RAD51C: variants seen among roughly 807,000 people sequenced by gnomAD.
RAD51C encodes the protein DNA repair protein RAD51 homolog 3.
Under a neutral mutation model 45.0 loss-of-function variants are expected in RAD51C, and 42 were observed. The observed-to-expected ratio is 0.93, with a 90% confidence interval of 0.73 to 1.21. The LOEUF is 1.21. Among genes scored for constraint, RAD51C ranks in the 50% most tolerant of loss-of-function variants. The probability of loss-of-function intolerance (pLI) is 0.00; values close to 1 mark genes in which losing one functional copy is unlikely to be tolerated. For synonymous variants in RAD51C, 172 were observed against 159.8 expected (o/e 1.08, Z -0.58); for missense variants, 474 against 452.2 (o/e 1.05, Z -0.44).
In RAD51C at chr17:58,694,976, T is replaced by C. The variant is rs1555593511; in HGVS notation, c.191T>C (p.Ile64Thr). ...KAEALETLQI[I>T]RRECLTNKPR... ...GAAGCCTTAGAAACTCTGCAAATTA[T>C]CAGAAGAGAATGTCTCACAAATAAA... Residue 64 changes from isoleucine (I) to threonine (T), a missense_variant, in exon 2 of 9, where the codon ATC becomes ACC. Transcript: ENST00000337432. 1 of 1,614,152 alleles carries C rather than the reference T, an allele frequency of 6.2e-7. No individual in the cohort carries two copies. Among genetic ancestry groups the C allele is most frequent in the Non-Finnish European group, 8.5e-7 (1 of 1,180,002 alleles).
intron 7 of RAD51C, among the ~76,000 whole-genome samples, chr17:58,725,311 G>A (rs892843472): frequency 1.3e-5 from 2 of 151,870 alleles, no homozygotes; most frequent in East Asian, 1.9e-4. Flanking sequence ...TTATTTTCTC[G>A]GCACCAAACC....
At chr17:58,713,522 G>T (rs1371210070) in intron 5 of RAD51C, among the ~76,000 whole-genome samples, 1 of 151,852 alleles carries the variant, frequency 6.6e-6, no homozygotes, top group East Asian at 1.9e-4. Context: ...TAAATTTTTT[G>T]TAGAGGCTGG....
chr17:58,703,073 T>C (rs541116865), intron 3 of RAD51C, 123 bp from the exon 4 acceptor site: 2 of 1,068,978 alleles, frequency 1.9e-6, no homozygotes, highest in Admixed American at 4.4e-5. Context: ...TAATTTGTCA[T>C]CTTTCAGTTA....
At chr17:58,710,849 C>G (rs1377718811) in intron 5 of RAD51C, among the ~76,000 whole-genome samples, 1 of 152,046 alleles carries the variant, frequency 6.6e-6, no homozygotes, top group African/African-American at 2.4e-5. Context: ...TACTTCCCAC[C>G]CTGAATCCAC....
intron 5 of RAD51C, among the ~76,000 whole-genome samples, chr17:58,716,199 G>A (rs1292306952): frequency 6.6e-6 from 1 of 151,716 alleles, no homozygotes; most frequent in Admixed American, 6.6e-5. Flanking sequence ...TTTTGCAAAA[G>A]TAATATAATT....
chr17:58,708,833 G>A (rs2048458537), intron 4 of RAD51C, among the ~76,000 whole-genome samples: 1 of 151,828 alleles, frequency 6.6e-6, no homozygotes, highest in African/African-American at 2.4e-5. Flanking sequence ...CTCCCAAAGT[G>A]CTGGGATTAC....
chr17:58,724,564 GT>G lies in RAD51C; in HGVS notation c.965+475del, dbSNP rs565976903. 2.3e-3 allele frequency among the ~76,000 whole-genome samples: 342 copies of G among 145,790 alleles called. 1 individual carries two copies. The highest frequency in any genetic ancestry group is 7.6e-3 in the South Asian group (35 of 4,622). ...ATATTTCTTGTATGAAATTGTGTCTGTTTTTTTTTTTATTTTGTATTTTGCT... is the reference window on the plus strand; with the variant it reads ...ATATTTCTTGTATGAAATTGTGTCTGTTTTTTTTTTATTTTGTATTTTGCT... On this transcript the variant is annotated intron_variant, in intron 7 of 8. Transcript: ENST00000337432.
chr17:58,709,092 C>CTTTTT (rs34570887), intron 4 of RAD51C, among the ~76,000 whole-genome samples: 2 of 117,048 alleles, frequency 1.7e-5, no homozygotes, highest in African/African-American at 3.6e-5. Flanking sequence ...TTTTGAATTA[C>CTTTTT]TTTTTTTTTT....
At chr17:58,715,902 C>T (rs1438953307) in intron 5 of RAD51C, among the ~76,000 whole-genome samples, 1 of 152,052 alleles carries the variant, frequency 6.6e-6, no homozygotes, top group Non-Finnish European at 1.5e-5. Context: ...GTCAGGAGTT[C>T]GAGACCAGCC....
rs567263419 is a variant in RAD51C at position 58,716,831 on chromosome 17, C to T, written c.838-3915C>T. ...TGTCACCCAGGCTGGAGTGCAGTGG[C>T]GCGATCTTGGCTCACTGCAAGCTCT... On this transcript the variant is annotated intron_variant, in intron 5 of 8. Coordinates refer to ENST00000337432, the MANE Select transcript of RAD51C (RefSeq NM_058216.3). 1.0e-3 allele frequency among the ~76,000 whole-genome samples: 151 copies of T among 149,912 alleles called. 1 individual carries two copies. Among genetic ancestry groups the T allele is most frequent in the African/African-American group, 3.1e-3 (125 of 40,700 alleles).
At chr17:58,701,728 A>G (rs2143786707) in intron 3 of RAD51C, among the ~76,000 whole-genome samples, 1 of 151,278 alleles carries the variant, frequency 6.6e-6, no homozygotes, top group South Asian at 2.1e-4. Context: ...GCACCACCAC[A>G]CCAAGCTAAT....
chr17:58,731,638 T>C (rs1480840066), intron 7 of RAD51C, among the ~76,000 whole-genome samples: 1 of 152,208 alleles, frequency 6.6e-6, no homozygotes, highest in East Asian at 1.9e-4. Context: ...CTTAGAAATT[T>C]ATTTCTCAGC....
Position 58,692,757 on chromosome 17 carries a change from C to T in RAD51C, c.114C>T (p.Leu38=), listed in dbSNP as rs786202265. Residue 38 remains leucine, a synonymous_variant, in exon 1 of 9, where the codon CTC becomes CTT. Transcript: ENST00000337432. ...VSAGFQTAEE[L]LEVKPSELSK... ...CGGGGTTCCAGACTGCTGAGGAACT[C>T]CTAGAGGTGAAACCCTCCGAGCTTA... The T allele has an allele frequency of 1.2e-6, 2 of 1,614,228 alleles. No individual in the cohort carries two copies. Among genetic ancestry groups the T allele is most frequent in the East Asian group, 2.2e-5 (1 of 44,888 alleles).
rs1312181093 is a variant in RAD51C at position 58,734,999 on chromosome 17, T to C, written c.*777T>C. 6.6e-6 allele frequency: 1 copy of C among 152,124 alleles called. No individual in the cohort carries two copies. Among genetic ancestry groups the C allele is most frequent in the African/African-American group, 2.4e-5 (1 of 41,426 alleles). The allele number at this position is 152,124 out of a possible 1,614,324, so 9.4% of individuals were successfully genotyped here. A position where few individuals can be genotyped will look rare whatever the true frequency, so the allele number is the denominator to read the frequency against. On this transcript the variant is annotated 3_prime_UTR_variant, in exon 9 of 9. Transcript: ENST00000337432. ...AGTCAGCATATTATTCTGTTCAGTTTTATAGGTAAGATACAAATTTTAGGT... is the reference window on the plus strand; with the variant it reads ...AGTCAGCATATTATTCTGTTCAGTTCTATAGGTAAGATACAAATTTTAGGT...
intron 4 of RAD51C, among the ~76,000 whole-genome samples, chr17:58,706,933 T>C (rs938593895): frequency 6.6e-6 from 1 of 152,216 alleles, no homozygotes; most frequent in Non-Finnish European, 1.5e-5. Flanking sequence ...TTTAGCAATA[T>C]GGATAGGCTG....
intron 5 of RAD51C, among the ~76,000 whole-genome samples, chr17:58,714,522 G>C (rs1056568155): frequency 6.6e-6 from 1 of 151,892 alleles, no homozygotes; most frequent in Non-Finnish European, 1.5e-5. Flanking sequence ...GCCATGGCGC[G>C]ATCTTGGCTC....
chr17:58,734,214 G>A lies in RAD51C; in HGVS notation c.1123G>A (p.Glu375Lys), dbSNP rs1555605640. 1 of 1,611,400 alleles carries A rather than the reference G, an allele frequency of 6.2e-7. No homozygotes were observed. The highest frequency in any genetic ancestry group is 8.5e-7 in the Non-Finnish European group (1 of 1,178,436). ...TRKRSRDPEE[E>K]L Reference sequence around the variant, plus strand: ...GAAACGGTCACGAGACCCAGAGGAAGAATTATAACCCAGAAACAAATCTCA... The same window carrying A: ...GAAACGGTCACGAGACCCAGAGGAAAAATTATAACCCAGAAACAAATCTCA... The change falls in exon 9 of 9, where the codon GAA (glutamate) becomes AAA (lysine). Residue 375 changes from glutamate to lysine, a missense_variant. Coordinates refer to ENST00000337432, the MANE Select transcript of RAD51C (RefSeq NM_058216.3).
chr17:58,732,564 A>C lies in RAD51C; in HGVS notation c.1026+20A>C, dbSNP rs764171088. ...ATCAAAGTCAGTATTATTTGATTAG[A>C]GTGGGATTTTGATATTGATGGGCGG... On this transcript the variant is annotated intron_variant, in intron 8 of 8. Coordinates refer to ENST00000337432, the MANE Select transcript of RAD51C (RefSeq NM_058216.3). The C allele has an allele frequency of 6.2e-7, 1 of 1,603,452 alleles. No individual in the cohort carries two copies. The highest frequency in any genetic ancestry group is 1.3e-5 in the African/African-American group (1 of 74,790).
chr17:58,708,404 C>A (rs1247315255), intron 4 of RAD51C, among the ~76,000 whole-genome samples: 1 of 152,004 alleles, frequency 6.6e-6, no homozygotes, highest in African/African-American at 2.4e-5. Context: ...CTATATTCTT[C>A]TCTCTTATTT....
Sources: gnomAD v4.1 joint callset for allele counts (sites outside exome capture counted in the v4.1 genomes callset) on GRCh38, gnomAD v4.1.1 for gene constraint, MANE v1.5 for transcripts, NCBI Gene and HGNC (gene_info 2026-07-23, HGNC 2026-07-21) for gene names.